The following COL11A1 variants were observed in gnomAD, a reference collection of about 807,000 sequenced individuals.
COL11A1 encodes the protein collagen type XI alpha 1 chain, also known as collagen alpha-1(XI) chain.
Under a neutral mutation model 265.2 loss-of-function variants are expected in COL11A1, and 74 were observed. The observed-to-expected ratio is 0.28, with a 90% CI of 0.23 to 0.34. The LOEUF (loss-of-function observed/expected upper bound fraction) is 0.34, where lower values mean the gene tolerates loss of function less well. Among genes scored for constraint, COL11A1 ranks in the 10% least tolerant of loss-of-function variants. The pLI is 1.00. For missense variants in COL11A1, 2,165 were observed against 2,263.6 expected (o/e 0.96, Z 0.88); for synonymous variants, 816 against 727.6 (o/e 1.12, Z -1.96).
intron 57 of COL11A1, among the ~76,000 whole-genome samples, chr1:102,896,414 G>A (rs916011196): frequency 1.3e-5 from 2 of 152,090 alleles, no homozygotes; most frequent in East Asian, 1.9e-4. Flanking sequence ...TGCCATAAAT[G>A]GCATTTTGAA....
intron 4 of COL11A1, among the ~76,000 whole-genome samples, chr1:103,034,623 C>T (rs879433289): frequency 8.0e-5 from 12 of 149,780 alleles, no homozygotes; most frequent in East Asian, 3.9e-4. Context: ...ATGTTTTTTA[C>T]GTTTTTTTTA....
chr1:102,951,118 G>A (rs1031851799), intron 41 of COL11A1, among the ~76,000 whole-genome samples: 1 of 152,024 alleles, frequency 6.6e-6, no homozygotes, highest in African/African-American at 2.4e-5. Context: ...ATAGCAGCAC[G>A]AAAATGGACT....
intron 41 of COL11A1, among the ~76,000 whole-genome samples, chr1:102,952,103 A>G (rs1659944804): frequency 6.6e-6 from 1 of 151,396 alleles, no homozygotes; most frequent in Non-Finnish European, 1.5e-5. Context: ...TAGATACTGT[A>G]TACTATTTTT....
In COL11A1 at chr1:103,002,410, G is replaced by T. The variant is rs75124465; in HGVS notation, c.2097+18C>A. ...TTCCCCCCATTATTTCAAAGGAGCT[G>T]CAGTGGCTTAGACTTACCTGAGGTC... On this transcript the variant is annotated intron_variant, in intron 23 of 66. Coordinates refer to ENST00000370096, the MANE Select transcript of COL11A1 (RefSeq NM_001854.4). 2,937 of 1,596,194 alleles carry T rather than the reference G, an allele frequency of 1.8e-3. 40 individuals carry two copies. In the African/African-American group the frequency reaches 0.036, roughly 19 times the overall value.
chr1:103,097,485 T>C (rs1403051834), intron 1 of COL11A1, among the ~76,000 whole-genome samples: 1 of 149,926 alleles, frequency 6.7e-6, no homozygotes, highest in African/African-American at 2.5e-5. Flanking sequence ...TCGACTTTAC[T>C]AAACTTCTGT....
At chr1:103,083,013 C>T (rs372446406) in intron 1 of COL11A1, 41 bp from the exon 2 acceptor site, 30 of 1,577,316 alleles carry the variant, frequency 1.9e-5, no homozygotes, top group Admixed American at 5.0e-5. Flanking sequence ...AATTGAACAA[C>T]GATCTGATAT....
chr1:103,048,020 G>C (rs905205681), intron 4 of COL11A1, among the ~76,000 whole-genome samples: 2 of 152,128 alleles, frequency 1.3e-5, no homozygotes, highest in Non-Finnish European at 2.9e-5. Flanking sequence ...TTTTATTGAG[G>C]ATTTTTGCAT....
At chr1:103,033,089 C>G (rs956668659) in intron 4 of COL11A1, among the ~76,000 whole-genome samples, 1 of 152,054 alleles carries the variant, frequency 6.6e-6, no homozygotes, top group Non-Finnish European at 1.5e-5. Flanking sequence ...TTCAACCATA[C>G]AACATGTGGC....
chr1:102,900,863 C>T (rs1653097829), intron 54 of COL11A1, among the ~76,000 whole-genome samples: 1 of 151,856 alleles, frequency 6.6e-6, no homozygotes, highest in South Asian at 2.1e-4. Context: ...TCTCATTTTT[C>T]CCAATTTTAT....
chr1:102,884,682 A>G (rs1283548385), intron 63 of COL11A1: 1 of 152,272 alleles, frequency 6.6e-6, no homozygotes, highest in Non-Finnish European at 1.5e-5. Flanking sequence ...AGCCCACTGC[A>G]CTTGTGGGCA....
intron 24 of COL11A1, among the ~76,000 whole-genome samples, chr1:103,000,828 A>G (rs191427624): frequency 3.2e-4 from 48 of 152,188 alleles, no homozygotes; most frequent in African/African-American, 9.9e-4. Flanking sequence ...GGTATGGAGA[A>G]TAGCGAAAAA....
intron 36 of COL11A1, among the ~76,000 whole-genome samples, chr1:102,972,636 T>G (rs1433644660): frequency 1.3e-5 from 2 of 152,122 alleles, no homozygotes; most frequent in African/African-American, 2.4e-5. Context: ...AAGTAATAAT[T>G]TTTTCATCAA....
At chr1:102,914,595 C>T (rs1655084882) in intron 51 of COL11A1, 109 bp downstream of exon 51, 4 of 988,716 alleles carry the variant, frequency 4.0e-6, no homozygotes, top group South Asian at 1.4e-5. Flanking sequence ...GATGAAAAGT[C>T]AGATTTACCA....
chr1:102,986,407 C>G (rs1455543391), intron 30 of COL11A1, among the ~76,000 whole-genome samples: 1 of 110,886 alleles, frequency 9.0e-6, no homozygotes, highest in Non-Finnish European at 1.7e-5. Context: ...ACACCAGGGC[C>G]TGTTGTGGGG....
chr1:102,975,283 C>A (rs1230317195), intron 35 of COL11A1, among the ~76,000 whole-genome samples: 3 of 131,740 alleles, frequency 2.3e-5, no homozygotes, highest in African/African-American at 2.9e-5. Context: ...AAAAAAAAAA[C>A]TGTTTTAAAA....
At chr1:102,900,139 T>C (rs776580297) in intron 54 of COL11A1, among the ~76,000 whole-genome samples, 1 of 152,156 alleles carries the variant, frequency 6.6e-6, no homozygotes, top group Admixed American at 6.6e-5. Context: ...GATGACATCA[T>C]TAGTAATGAT....
intron 1 of COL11A1, among the ~76,000 whole-genome samples, chr1:103,094,822 T>G (rs1673613739): frequency 6.6e-6 from 1 of 152,104 alleles, no homozygotes; most frequent in Admixed American, 6.6e-5. Flanking sequence ...TAGGCATTAG[T>G]AATGAAGTCT....
At chr1:102,908,186 T>C (rs1250384271) in intron 54 of COL11A1, among the ~76,000 whole-genome samples, 1 of 152,106 alleles carries the variant, frequency 6.6e-6, no homozygotes, top group African/African-American at 2.4e-5. Context: ...CATGGGGTAT[T>C]TGTGTCAAAT....
At chr1:103,061,681 A>T (rs1432354231) in intron 4 of COL11A1, among the ~76,000 whole-genome samples, 1 of 152,026 alleles carries the variant, frequency 6.6e-6, no homozygotes, top group Non-Finnish European at 1.5e-5. Context: ...CAAAATAAAA[A>T]TCAAAATATA....
Sources: allele counts gnomAD v4.1 joint callset (sites outside exome capture counted in the v4.1 genomes callset), GRCh38; gene constraint gnomAD v4.1.1; transcripts MANE v1.5; gene names NCBI Gene and HGNC (gene_info 2026-07-23, HGNC 2026-07-21).